TMEM260: variants seen among roughly 807,000 people sequenced by gnomAD.
TMEM260 encodes transmembrane protein 260.
A neutral mutation model predicts 88.9 loss-of-function variants in TMEM260; 82 were observed. That is an observed-to-expected ratio of 0.92 (90% CI 0.77 to 1.11). TMEM260 has a LOEUF of 1.11. Among genes scored for constraint, TMEM260 ranks in the 50% least tolerant of loss-of-function variants. TMEM260 has a pLI of 0.00. For missense variants in TMEM260, 902 were observed against 853.4 expected (o/e 1.06, Z -0.71); for synonymous variants, 314 against 309.3 (o/e 1.02, Z -0.16).
intron 3 of TMEM260, among the ~76,000 whole-genome samples, chr14:56,600,112 T>C (rs1239540013): frequency 1.3e-5 from 2 of 152,192 alleles, no homozygotes; most frequent in South Asian, 2.1e-4. Context: ...GTTTGACTTA[T>C]AAAAATCCTA....
intron 3 of TMEM260, among the ~76,000 whole-genome samples, chr14:56,598,585 T>A (rs1006819094): frequency 2.6e-5 from 4 of 152,218 alleles, no homozygotes; most frequent in Admixed American, 2.6e-4. Flanking sequence ...CATGCTCAGA[T>A]AATGCATAGG....
intron 12 of TMEM260, among the ~76,000 whole-genome samples, chr14:56,627,077 G>A (rs774953757): frequency 6.6e-6 from 1 of 151,826 alleles, no homozygotes; most frequent in East Asian, 1.9e-4. Context: ...ATAATTTAAC[G>A]AATATTCTAT....
chr14:56,647,151 T>TC, intron 15 of TMEM260, 92 bp from the exon 16 acceptor site: 1 of 1,403,974 alleles, frequency 7.1e-7, no homozygotes, highest in Non-Finnish European at 9.5e-7. Context: ...AATTTTTTTT[T>TC]CTTGTTATTA....
At position 56,625,531 on chromosome 14, in the gene TMEM260, G is replaced by C; in HGVS notation, c.1547+1G>C. ...ATCATTTTCTTGAAGTAAATAAACAGTAAGCATTCTTTTTATATAATAGCT... is the reference window on the plus strand; with the variant it reads ...ATCATTTTCTTGAAGTAAATAAACACTAAGCATTCTTTTTATATAATAGCT... On this transcript the variant is annotated splice_donor_variant, in intron 12 of 15. Coordinates refer to ENST00000261556, the MANE Select transcript of TMEM260 (RefSeq NM_017799.4). LOFTEE classifies it high-confidence loss of function. The C allele has an allele frequency of 6.3e-7, 1 of 1,582,248 alleles. No individual in the cohort carries two copies. The highest frequency in any genetic ancestry group is 8.6e-7 in the Non-Finnish European group (1 of 1,157,620).
chr14:56,582,444 CAGTCT>C (rs1286701233), intron 1 of TMEM260, among the ~76,000 whole-genome samples: 3 of 152,134 alleles, frequency 2.0e-5, no homozygotes, highest in African/African-American at 7.2e-5. Context: ...TGATGTGTGA[CAGTCT>C]AGTCTAATTA....
chr14:56,583,559 T>G (rs1885277139), intron 1 of TMEM260, among the ~76,000 whole-genome samples: 3 of 152,002 alleles, frequency 2.0e-5, no homozygotes, highest in Admixed American at 1.3e-4. Flanking sequence ...TTTTTAAACT[T>G]AGTGGGAGAG....
chr14:56,593,097 T>C (rs1885964848), intron 3 of TMEM260: 1 of 152,270 alleles, frequency 6.6e-6, no homozygotes, highest in Admixed American at 6.5e-5. Context: ...CCTTGTGATT[T>C]ATCCATTGTG....
intron 12 of TMEM260, among the ~76,000 whole-genome samples, chr14:56,628,416 A>T (rs768214115): frequency 2.6e-5 from 4 of 152,166 alleles, no homozygotes; most frequent in Non-Finnish European, 4.4e-5. Flanking sequence ...TTGAAGCTCA[A>T]ATTCAATTTT....
chr14:56,638,202 A>G (rs1446071212), intron 15 of TMEM260: 1 of 151,034 alleles, frequency 6.6e-6, no homozygotes, highest in Non-Finnish European at 1.5e-5. Context: ...ATACCTGATT[A>G]TAGAAGGCAG....
intron 3 of TMEM260, among the ~76,000 whole-genome samples, chr14:56,588,409 T>C (rs1339278958): frequency 6.6e-6 from 1 of 152,124 alleles, no homozygotes; most frequent in Non-Finnish European, 1.5e-5. Flanking sequence ...TTTAAATGTG[T>C]TGATGTAAAA....
the TMEM260 span, among the ~76,000 whole-genome samples, chr14:56,658,768 C>A: frequency 1.3e-5 from 2 of 151,456 alleles, no homozygotes; most frequent in Non-Finnish European, 2.9e-5. Flanking sequence ...TCTCACTCTG[C>A]CACCCAGGCT....
intron 3 of TMEM260, 132 bp from the exon 4 acceptor site, chr14:56,603,683 G>T: frequency 1.2e-6 from 1 of 858,546 alleles, no homozygotes. Flanking sequence ...ATGAGTTAAT[G>T]TATTAACCAT....
At chr14:56,604,747 T>C (rs1247801323) in intron 4 of TMEM260, among the ~76,000 whole-genome samples, 1 of 152,150 alleles carries the variant, frequency 6.6e-6, no homozygotes, top group African/African-American at 2.4e-5. Context: ...TAGGGACAAC[T>C]GCAATGGGGT....
chr14:56,662,739 C>T, the TMEM260 span, among the ~76,000 whole-genome samples: 1 of 152,214 alleles, frequency 6.6e-6, no homozygotes, highest in Non-Finnish European at 1.5e-5. Flanking sequence ...ATCTGAATGG[C>T]CGAACTACGC....
intron 8 of TMEM260, 42 bp from the exon 9 acceptor site, chr14:56,617,141 T>C (rs1887639029): frequency 2.6e-6 from 3 of 1,166,170 alleles, no homozygotes; most frequent in East Asian, 5.4e-5. Context: ...TTGACATTCA[T>C]GTATCTAAAT....
intron 7 of TMEM260, chr14:56,613,553 A>C (rs866848658): frequency 4.6e-5 from 7 of 152,138 alleles, no homozygotes; most frequent in African/African-American, 1.7e-4. Context: ...TTCTTTTTAA[A>C]AGTAGGATCA....
chr14:56,581,326 G>A (rs12884831), intron 1 of TMEM260, among the ~76,000 whole-genome samples: 132,959 of 152,214 alleles, frequency 0.87, 58,205 homozygotes, highest in East Asian at 1. Flanking sequence ...TGCCTACCAC[G>A]TTGAAGATCT....
intron 1 of TMEM260, among the ~76,000 whole-genome samples, chr14:56,583,241 G>T (rs2139492431): frequency 6.6e-6 from 1 of 152,312 alleles, no homozygotes; most frequent in Non-Finnish European, 1.5e-5. Flanking sequence ...ACAGTTGTTT[G>T]AGACATTGTG....
chr14:56,601,741 TTAAG>T (rs1268722758), intron 3 of TMEM260, among the ~76,000 whole-genome samples: 6 of 152,184 alleles, frequency 3.9e-5, no homozygotes, highest in African/African-American at 1.2e-4. Context: ...TTCTTATGAA[TTAAG>T]TGATTTACAA....
Sources: allele counts gnomAD v4.1 joint callset (sites outside exome capture counted in the v4.1 genomes callset), GRCh38; gene constraint gnomAD v4.1.1; transcripts MANE v1.5; gene names NCBI Gene and HGNC (gene_info 2026-07-23, HGNC 2026-07-21).